The following FRMD4A variants were observed in gnomAD, a reference collection of about 807,000 sequenced individuals.
FRMD4A encodes the protein FERM domain-containing protein 4A.
A neutral mutation model predicts 129.1 loss-of-function variants in FRMD4A; 29 were observed. That is an observed-to-expected ratio of 0.22 (90% CI 0.17 to 0.31). The LOEUF (loss-of-function observed/expected upper bound fraction) is 0.31. FRMD4A is among the 10% of genes least tolerant of loss of function. The probability of loss-of-function intolerance (pLI) is 1.00; values close to 1 mark genes in which losing one functional copy is unlikely to be tolerated. For synonymous variants in FRMD4A, 634 were observed against 571.6 expected, an observed-to-expected ratio of 1.11 and a Z score of -1.56; for missense variants, 1,272 against 1,375.8, an observed-to-expected ratio of 0.92 and a Z score of 1.19.
At chr10:14,028,081 C>G (rs1204208602) in intron 2 of FRMD4A, among the ~76,000 whole-genome samples, 1 of 152,138 alleles carries the variant, frequency 6.6e-6, no homozygotes, top group African/African-American at 2.4e-5. Flanking sequence ...CTGGCTTGGG[C>G]CGATCGATTG....
chr10:13,966,052 C>G (rs2095483366), intron 2 of FRMD4A, among the ~76,000 whole-genome samples: 1 of 152,010 alleles, frequency 6.6e-6, no homozygotes, highest in African/African-American at 2.4e-5. Flanking sequence ...TCTTGTTGCC[C>G]AGATTGGAGT....
chr10:13,822,048 GAT>G lies in FRMD4A; in HGVS notation c.112-11142_112-11141del, dbSNP rs147039540. Among the ~76,000 whole-genome samples the G allele has an allele frequency of 1.2e-4, 18 of 150,244 alleles. No homozygotes were observed. The East Asian group carries it at 1.6e-3, about 13-fold the overall frequency. On this transcript the variant is annotated intron_variant, in intron 3 of 24. Coordinates refer to ENST00000357447, the MANE Select transcript of FRMD4A (RefSeq NM_018027.5). The stretch of plus-strand genomic sequence containing the variant: ...AGTGGTCACTGACAGAAATGGAAAC[GAT>G]ATATATATATATACATACACACACA...
chr10:13,921,379 A>G (rs2095071337), intron 2 of FRMD4A, among the ~76,000 whole-genome samples: 1 of 151,920 alleles, frequency 6.6e-6, no homozygotes, highest in South Asian at 2.1e-4. Flanking sequence ...CTCCCACTTC[A>G]GCCTCCTAAG....
intron 19 of FRMD4A, 51 bp downstream of exon 19, chr10:13,663,400 ATC>A (rs1554829854): frequency 3.1e-6 from 3 of 965,338 alleles, no homozygotes; most frequent in Non-Finnish European, 3.4e-6. Flanking sequence ...ATAGAAATTC[ATC>A]TCTGTTTACT....
rs9943387 is a variant in FRMD4A, at chr10:13,990,278, C to T, written c.46-131366G>A. Among the ~76,000 whole-genome samples the T allele has an allele frequency of 2.6e-5, 4 of 152,344 alleles. No individual in the cohort carries two copies. The South Asian group carries it at 8.3e-4, about 32-fold the overall frequency. ...TGGCTGTGCTTCTGGGTCTCAGTAA[C>T]TTCCCTCTCTGCCTGGATTTGCTCC... On this transcript the variant is annotated intron_variant, in intron 2 of 24. Transcript: ENST00000357447.
intron 2 of FRMD4A, among the ~76,000 whole-genome samples, chr10:14,218,775 T>G (rs1447407353): frequency 6.6e-6 from 1 of 151,636 alleles, no homozygotes; most frequent in Admixed American, 6.6e-5. Flanking sequence ...GCCAACATGG[T>G]GAAACTCTAT....
chr10:13,965,247 C>T (rs181956158), intron 2 of FRMD4A, among the ~76,000 whole-genome samples: 4 of 152,144 alleles, frequency 2.6e-5, no homozygotes, highest in Non-Finnish European at 5.9e-5. Context: ...ACTCGCCCAC[C>T]TTGTTCATGA....
intron 2 of FRMD4A, among the ~76,000 whole-genome samples, chr10:14,000,440 A>C (rs562653096): frequency 6.6e-6 from 1 of 152,042 alleles, no homozygotes. Context: ...TGAGGTCAGG[A>C]GTTCAAGACC....
At chr10:14,225,177 C>T (rs922257217) in intron 2 of FRMD4A, among the ~76,000 whole-genome samples, 4 of 152,166 alleles carry the variant, frequency 2.6e-5, no homozygotes, top group Non-Finnish European at 4.4e-5. Context: ...TGCTGAAAAA[C>T]ATTTAGCCTA....
rs535165134 is a variant in FRMD4A, at chr10:14,226,354, C to G, written c.45+103704G>C. On this transcript the variant is annotated intron_variant, in intron 2 of 24. Transcript: ENST00000357447. ...TGTACCTCTCTCCTTGGAGATCACG[C>G]AGACACCCAAAGTTGACATGTTAAA... Among the ~76,000 whole-genome samples, 24 of 152,298 alleles carry G rather than the reference C, an allele frequency of 1.6e-4. 1 individual carries two copies. The South Asian group carries it at 5.0e-3, about 32-fold the overall frequency.
At chr10:13,968,482 C>T (rs73587359) in intron 2 of FRMD4A, among the ~76,000 whole-genome samples, 7,177 of 152,298 alleles carry the variant, frequency 0.047, 425 homozygotes, top group African/African-American at 0.13. Flanking sequence ...GACGTAGTCT[C>T]ACTCTTCTCA....
At chr10:14,128,007 T>C (rs7904274) in intron 2 of FRMD4A, among the ~76,000 whole-genome samples, 9,592 of 95,336 alleles carry the variant, frequency 0.1, 999 homozygotes, top group African/African-American at 0.21. Context: ...TCTCTTTCTT[T>C]CTTTCTTCCT....
chr10:13,980,323 C>T (rs757469534), intron 2 of FRMD4A, among the ~76,000 whole-genome samples: 5 of 152,196 alleles, frequency 3.3e-5, no homozygotes, highest in East Asian at 1.9e-4. Context: ...ACAAGCCCTC[C>T]GCATTCCAGC....
At chr10:13,963,185 T>G (rs1339768557) in intron 2 of FRMD4A, among the ~76,000 whole-genome samples, 1 of 151,450 alleles carries the variant, frequency 6.6e-6, no homozygotes, top group Non-Finnish European at 1.5e-5. Flanking sequence ...AATGAATGCC[T>G]GAAAAAAACT....
chr10:14,089,633 A>AAAC (rs1836527045), intron 2 of FRMD4A, among the ~76,000 whole-genome samples: 4 of 143,014 alleles, frequency 2.8e-5, no homozygotes, highest in Admixed American at 2.7e-4. Context: ...AAAAAAACAA[A>AAAC]AAAAAACAAA....
intron 2 of FRMD4A, among the ~76,000 whole-genome samples, chr10:13,925,732 C>T (rs892802105): frequency 1.3e-5 from 2 of 151,316 alleles, no homozygotes; most frequent in African/African-American, 2.4e-5. Flanking sequence ...TACAGGCACG[C>T]ACCACCACGC....
At chr10:14,053,571 C>T (rs1834364758) in intron 2 of FRMD4A, among the ~76,000 whole-genome samples, 1 of 152,184 alleles carries the variant, frequency 6.6e-6, no homozygotes, top group Admixed American at 6.5e-5. Flanking sequence ...TATCCTCTGC[C>T]AACTCTGGTA....
Position 13,700,709 on chromosome 10 carries a change from C to T in FRMD4A, c.975+631G>A, listed in dbSNP as rs1040257219. ...CAAGGAGACGTCATCCTCTCACCCA[C>T]CAGAAAACGCAGCTGCGTGCCCAGA... On this transcript the variant is annotated intron_variant, in intron 14 of 24. Transcript: ENST00000357447. 2.6e-5 allele frequency among the ~76,000 whole-genome samples: 4 copies of T among 151,854 alleles called. No individual in the cohort carries two copies. In the East Asian group the frequency reaches 7.7e-4, roughly 29 times the overall value.
chr10:14,301,346 T>G (rs1217714764), intron 2 of FRMD4A, among the ~76,000 whole-genome samples: 1 of 152,192 alleles, frequency 6.6e-6, no homozygotes, highest in Admixed American at 6.5e-5. Context: ...GAAGGTGGTT[T>G]TGAGAACCCC....
Sources: gnomAD v4.1 joint callset for allele counts (sites outside exome capture counted in the v4.1 genomes callset) on GRCh38, gnomAD v4.1.1 for gene constraint, MANE v1.5 for transcripts, NCBI Gene and HGNC (gene_info 2026-07-23, HGNC 2026-07-21) for gene names.